Variants in PRRX1 observed in about 807,000 individuals in gnomAD.
The protein encoded by PRRX1 is paired mesoderm homeobox protein 1.
PRRX1 carries 8 observed loss-of-function variants against 24.0 expected under a neutral mutation model. The ratio of observed to expected loss-of-function variants is 0.33; its 90% CI spans 0.20 to 0.60. The LOEUF is 0.60. PRRX1 is among the 20% of genes least tolerant of loss of function. PRRX1 has a pLI of 0.82. For missense variants in PRRX1, 281 were observed against 322.4 expected (o/e 0.87, Z 0.98); for synonymous variants, 160 against 131.7 (o/e 1.22, Z -1.47).
At chr1:170,723,447 G>A (rs1352743676) in intron 2 of PRRX1, among the ~76,000 whole-genome samples, 2 of 148,470 alleles carry the variant, frequency 1.3e-5, no homozygotes, top group Non-Finnish European at 2.9e-5. Context: ...CTTAAAAGCA[G>A]AGAATAAGTT....
intron 1 of PRRX1, among the ~76,000 whole-genome samples, chr1:170,674,405 T>G (rs1653240882): frequency 6.6e-6 from 1 of 152,228 alleles, no homozygotes. Context: ...GCCTCGTTTT[T>G]GCAAATCTTC....
chr1:170,738,929 C>A lies in PRRX1; in HGVS notation c.*2743C>A, dbSNP rs1655709005. The stretch of plus-strand genomic sequence containing the variant: ...AAAGAAACATTCACTGCTGGTGAAC[C>A]AATACCATAAGCATGTATTATCTAA... On this transcript the variant is annotated 3_prime_UTR_variant, in exon 4 of 4. Transcript: ENST00000239461. 1 of 228,164 alleles carries A rather than the reference C, an allele frequency of 4.4e-6. No individual in the cohort carries two copies. The highest frequency in any genetic ancestry group is 8.7e-6 in the Non-Finnish European group (1 of 115,004). 14.1% of individuals were successfully genotyped at this position (228,164 alleles called of 1,614,324 possible). A position where few individuals can be genotyped will look rare whatever the true frequency, so the allele number is the denominator to read the frequency against.
intron 1 of PRRX1, among the ~76,000 whole-genome samples, chr1:170,715,815 C>T (rs1654888546): frequency 6.6e-6 from 1 of 152,242 alleles, no homozygotes; most frequent in African/African-American, 2.4e-5. Flanking sequence ...CATCGACCCT[C>T]TTTCTCAGAC....
intron 1 of PRRX1, among the ~76,000 whole-genome samples, chr1:170,702,012 G>C (rs1023021588): frequency 6.6e-6 from 1 of 152,080 alleles, no homozygotes; most frequent in African/African-American, 2.4e-5. Context: ...GGGGAAGGCG[G>C]GGGGAGGGGG....
intron 2 of PRRX1, among the ~76,000 whole-genome samples, chr1:170,723,377 A>C (rs536943903): frequency 2.1e-4 from 31 of 148,950 alleles, no homozygotes; most frequent in African/African-American, 5.2e-4. Flanking sequence ...AATTGCACTT[A>C]AAATACTTGT....
intron 1 of PRRX1, among the ~76,000 whole-genome samples, chr1:170,705,935 T>TACACACACACACACACACAC (rs71125270): frequency 2.5e-4 from 36 of 146,522 alleles, no homozygotes; most frequent in Non-Finnish European, 3.3e-4. Context: ...CACACACACA[T>TACACACACACACACACACAC]ACACACACAC....
intron 1 of PRRX1, among the ~76,000 whole-genome samples, chr1:170,694,501 C>T (rs1183097438): frequency 6.6e-6 from 1 of 151,964 alleles, no homozygotes; most frequent in African/African-American, 2.4e-5. Context: ...AGGCATATTC[C>T]CTATATAATT....
At chr1:170,733,593 A>G (rs1176550387) in intron 3 of PRRX1, among the ~76,000 whole-genome samples, 1 of 152,164 alleles carries the variant, frequency 6.6e-6, no homozygotes. Context: ...TAATACAGAC[A>G]ACTCCTAATT....
intron 1 of PRRX1, among the ~76,000 whole-genome samples, chr1:170,676,050 C>T (rs1653309745): frequency 6.6e-6 from 1 of 152,152 alleles, no homozygotes; most frequent in Admixed American, 6.5e-5. Context: ...TGTTCAACAG[C>T]TCTAATCCTC....
chr1:170,689,809 A>G (rs1282749082), intron 1 of PRRX1, among the ~76,000 whole-genome samples: 1 of 138,184 alleles, frequency 7.2e-6, no homozygotes, highest in Non-Finnish European at 1.5e-5. Context: ...GAGATTTAAT[A>G]TTCCGTCTCT....
In PRRX1 at chr1:170,737,606, A is replaced by G. The variant is rs1655660889; in HGVS notation, c.*1420A>G. The G allele has an allele frequency of 4.7e-6, 1 of 214,988 alleles. No homozygotes were observed. The allele number at this position is 214,988 out of a possible 1,614,324, so 13.3% of individuals were successfully genotyped here. On this transcript the variant is annotated 3_prime_UTR_variant, in exon 4 of 4. Coordinates refer to ENST00000239461, the MANE Select transcript of PRRX1 (RefSeq NM_022716.4). Reference sequence around the variant, plus strand: ...AAGGTTTTTCTAAATTCCAACATTTAAAAGGCAATTGTGGGCTATTTTTAT... The same window carrying G: ...AAGGTTTTTCTAAATTCCAACATTTGAAAGGCAATTGTGGGCTATTTTTAT...
chr1:170,694,717 A>G (rs1654108165), intron 1 of PRRX1, among the ~76,000 whole-genome samples: 1 of 152,198 alleles, frequency 6.6e-6, no homozygotes, highest in African/African-American at 2.4e-5. Flanking sequence ...CAATGAAAGC[A>G]GATTGTAAAT....
intron 1 of PRRX1, among the ~76,000 whole-genome samples, chr1:170,705,052 A>G (rs1053466225): frequency 3.3e-5 from 5 of 152,198 alleles, no homozygotes; most frequent in African/African-American, 1.2e-4. Flanking sequence ...GAATGGTCTC[A>G]ATATATAAAC....
intron 2 of PRRX1, among the ~76,000 whole-genome samples, chr1:170,723,924 C>T (rs1421755585): frequency 7.1e-6 from 1 of 141,248 alleles, no homozygotes; most frequent in Non-Finnish European, 1.5e-5. Flanking sequence ...TTTAATGAGA[C>T]CACTGTCGTA....
chr1:170,688,511 C>T (rs1653821264), intron 1 of PRRX1, among the ~76,000 whole-genome samples: 1 of 151,828 alleles, frequency 6.6e-6, no homozygotes, highest in Non-Finnish European at 1.5e-5. Context: ...CAGGGTTATA[C>T]AGATTTATGA....
intron 1 of PRRX1, among the ~76,000 whole-genome samples, chr1:170,693,060 AT>A (rs1558051074): frequency 6.6e-6 from 1 of 151,942 alleles, no homozygotes; most frequent in Admixed American, 6.6e-5. Context: ...TAGTCACAGC[AT>A]TTTTCCCCAG....
At position 170,726,486 on chromosome 1, in the gene PRRX1, CCGA is replaced by C. The variant is rs1371917251; in HGVS notation, c.599+87_599+89del. 5 of 1,457,602 alleles carry C rather than the reference CCGA, an allele frequency of 3.4e-6. No individual in the cohort carries two copies. The African/African-American group carries it at 5.6e-5, about 16-fold the overall frequency. The allele number at this position is 1,457,602 out of a possible 1,614,324, so 90.3% of individuals were successfully genotyped here. The stretch of plus-strand genomic sequence containing the variant: ...TGTTTCAAGCTGCTTGTGCAGCTCA[CCGA>C]CATTTCTTACTGGGTTAATCTCTTC... On this transcript the variant is annotated intron_variant, in intron 3 of 3. Transcript: ENST00000239461.
Position 170,736,277 on chromosome 1 carries a change from A to G in PRRX1, c.*91A>G, listed in dbSNP as rs1655601066. On this transcript the variant is annotated 3_prime_UTR_variant, in exon 4 of 4. Coordinates refer to ENST00000239461, the MANE Select transcript of PRRX1 (RefSeq NM_022716.4). ...TTATTTCTTCATCTGCTGGGGGGAA[A>G]AAGTAAATTACAAACAAACAAACAA... 6.6e-7 allele frequency: 1 copy of G among 1,521,546 alleles called. No individual in the cohort carries two copies. The highest frequency in any genetic ancestry group is 1.2e-5 in the South Asian group (1 of 85,976). 94.3% of individuals were successfully genotyped at this position (1,521,546 alleles called of 1,614,324 possible). A position where few individuals can be genotyped will look rare whatever the true frequency, so the allele number is the denominator to read the frequency against.
chr1:170,730,262 C>T (rs1338460735), intron 3 of PRRX1: 1 of 1,599,126 alleles, frequency 6.3e-7, no homozygotes, highest in African/African-American at 1.3e-5. Context: ...CTCCCTTTCA[C>T]ACTTTCAAAA....
Sources: gnomAD v4.1 joint callset for allele counts (sites outside exome capture counted in the v4.1 genomes callset) on GRCh38, gnomAD v4.1.1 for gene constraint, MANE v1.5 for transcripts, NCBI Gene and HGNC (gene_info 2026-07-23, HGNC 2026-07-21) for gene names.